The following GRID2 variants were observed in gnomAD, a reference collection of about 807,000 sequenced individuals.
GRID2 encodes the protein glutamate receptor ionotropic, delta-2.
GRID2 carries 33 observed loss-of-function variants against 114.8 expected under a neutral mutation model. The observed-to-expected ratio is 0.29, with a 90% CI of 0.22 to 0.38. The LOEUF (loss-of-function observed/expected upper bound fraction) is 0.38, where lower values mean the gene tolerates loss of function less well. Among genes scored for constraint, GRID2 ranks in the 10% least tolerant of loss-of-function variants. The pLI is 1.00. For synonymous variants in GRID2, 505 were observed against 449.9 expected (o/e 1.12, Z -1.55); for missense variants, 1,184 against 1,257.7 (o/e 0.94, Z 0.89).
chr4:92,854,389 C>T (rs1006856627), intron 2 of GRID2, among the ~76,000 whole-genome samples: 1 of 151,980 alleles, frequency 6.6e-6, no homozygotes, highest in African/African-American at 2.4e-5. Flanking sequence ...ACTCCAGGGG[C>T]AGAGACATTT....
intron 2 of GRID2, among the ~76,000 whole-genome samples, chr4:93,010,017 A>G (rs554794485): frequency 7.2e-5 from 11 of 152,098 alleles, no homozygotes; most frequent in Non-Finnish European, 1.3e-4. Flanking sequence ...AGTAGGAAGT[A>G]TCAAGGTCCT....
intron 8 of GRID2, among the ~76,000 whole-genome samples, chr4:93,332,293 T>TGAGAGAGAGA (rs1182268164): frequency 1.4e-3 from 161 of 114,730 alleles, no homozygotes; most frequent in African/African-American, 3.7e-3. Flanking sequence ...TGTGTGTGTG[T>TGAGAGAGAGA]GTGTGTGAGA....
chr4:92,436,913 A>G (rs1732761822), intron 1 of GRID2, among the ~76,000 whole-genome samples: 1 of 152,170 alleles, frequency 6.6e-6, no homozygotes, highest in Non-Finnish European at 1.5e-5. Flanking sequence ...ATATGAAATA[A>G]TAGGTAATGA....
chr4:93,038,475 G>A (rs529096861), intron 2 of GRID2, among the ~76,000 whole-genome samples: 2 of 152,250 alleles, frequency 1.3e-5, no homozygotes, highest in East Asian at 1.9e-4. Flanking sequence ...TCTTATGCCA[G>A]TTAGAATGGC....
At chr4:93,682,421 C>A (rs1175781290) in intron 14 of GRID2, among the ~76,000 whole-genome samples, 1 of 151,536 alleles carries the variant, frequency 6.6e-6, no homozygotes, top group Non-Finnish European at 1.5e-5. Context: ...CCCAGCCATC[C>A]CATTACTGGG....
At chr4:92,734,760 T>G (rs751384023) in intron 2 of GRID2, among the ~76,000 whole-genome samples, 3 of 151,754 alleles carry the variant, frequency 2.0e-5, no homozygotes, top group Non-Finnish European at 4.4e-5. Context: ...TGGTTATATT[T>G]CTTTTTTTTA....
chr4:92,401,309 A>G (rs903823982), intron 1 of GRID2, among the ~76,000 whole-genome samples: 8 of 152,202 alleles, frequency 5.3e-5, no homozygotes, highest in African/African-American at 1.9e-4. Flanking sequence ...AGCAGATATT[A>G]CATGTTTATA....
chr4:93,380,224 G>A (rs2149306786), intron 8 of GRID2, among the ~76,000 whole-genome samples: 1 of 152,052 alleles, frequency 6.6e-6, no homozygotes, highest in Admixed American at 6.6e-5. Context: ...AAACAGAAAA[G>A]GAAGAGGAGA....
At chr4:92,974,524 A>C (rs563556033) in intron 2 of GRID2, among the ~76,000 whole-genome samples, 211 of 152,148 alleles carry the variant, frequency 1.4e-3, no homozygotes, top group African/African-American at 4.8e-3. Flanking sequence ...AGGATGAGTT[A>C]ATGTCCATTG....
intron 2 of GRID2, among the ~76,000 whole-genome samples, chr4:92,806,056 AT>A (rs955224846): frequency 6.6e-6 from 1 of 151,800 alleles, no homozygotes; most frequent in African/African-American, 2.4e-5. Flanking sequence ...CTGAAACAAT[AT>A]TTCTCTCAAA....
chr4:93,161,878 A>G, intron 4 of GRID2, among the ~76,000 whole-genome samples: 1 of 151,856 alleles, frequency 6.6e-6, no homozygotes. Flanking sequence ...TTTTCTTATT[A>G]ATATCTATAG....
intron 4 of GRID2, among the ~76,000 whole-genome samples, chr4:93,141,571 C>A (rs1735772279): frequency 6.6e-6 from 1 of 152,088 alleles, no homozygotes; most frequent in Non-Finnish European, 1.5e-5. Context: ...AAAAAAAAGT[C>A]TTTAAATTAT....
chr4:92,348,991 A>G lies in GRID2; in HGVS notation c.88+44247A>G, dbSNP rs183922227. ...CATGTATTAATTGAACATGTGGGAA[A>G]CTACCAATACTAGAGTGCTTTTTTT... On this transcript the variant is annotated intron_variant, in intron 1 of 15. Transcript: ENST00000282020. Among the ~76,000 whole-genome samples the G allele has an allele frequency of 4.5e-4, 68 of 151,884 alleles. 1 individual carries two copies. The highest frequency in any genetic ancestry group is 1.6e-3 in the African/African-American group (65 of 41,512).
intron 8 of GRID2, among the ~76,000 whole-genome samples, chr4:93,351,717 T>C (rs1375121791): frequency 6.6e-6 from 1 of 151,856 alleles, no homozygotes; most frequent in Non-Finnish European, 1.5e-5. Context: ...TTTATAATGT[T>C]ATTATGTGAA....
intron 2 of GRID2, among the ~76,000 whole-genome samples, chr4:92,897,900 A>G (rs1747286290): frequency 6.6e-6 from 1 of 152,198 alleles, no homozygotes; most frequent in East Asian, 1.9e-4. Flanking sequence ...TTATGAGCAT[A>G]AGCTAAGATG....
chr4:93,511,264 A>G (rs951290851), intron 12 of GRID2, among the ~76,000 whole-genome samples: 3 of 152,160 alleles, frequency 2.0e-5, no homozygotes, highest in Non-Finnish European at 2.9e-5. Context: ...GCTTGAAAAG[A>G]GTTTCAGTGT....
In GRID2 at chr4:93,752,209, G is replaced by A. The variant is rs556619186; in HGVS notation, c.2361-17001G>A. 4.6e-5 allele frequency among the ~76,000 whole-genome samples: 7 copies of A among 152,062 alleles called. No individual in the cohort carries two copies. The East Asian group carries it at 7.7e-4, about 17-fold the overall frequency. Reference sequence around the variant, plus strand: ...TACCACATAATGTGGTGAACACTTTGCATATACAATACAATTTAAGATAAA... The same window carrying A: ...TACCACATAATGTGGTGAACACTTTACATATACAATACAATTTAAGATAAA... On this transcript the variant is annotated intron_variant, in intron 14 of 15. Transcript: ENST00000282020.
intron 3 of GRID2, among the ~76,000 whole-genome samples, chr4:93,107,265 C>T (rs1420927493): frequency 6.6e-6 from 1 of 152,104 alleles, no homozygotes; most frequent in African/African-American, 2.4e-5. Flanking sequence ...TGCCACTACA[C>T]TCCAACCTGG....
chr4:92,936,713 T>C (rs1457983474), intron 2 of GRID2, among the ~76,000 whole-genome samples: 2 of 146,332 alleles, frequency 1.4e-5, no homozygotes, highest in East Asian at 2.2e-4. Flanking sequence ...AAGAGATTTT[T>C]GGAAGTTTGC....
Sources: gnomAD v4.1 joint callset for allele counts (sites outside exome capture counted in the v4.1 genomes callset) on GRCh38, gnomAD v4.1.1 for gene constraint, MANE v1.5 for transcripts, NCBI Gene and HGNC (gene_info 2026-07-23, HGNC 2026-07-21) for gene names.